Variants in TBC1D14 observed in about 807,000 individuals in gnomAD.
The protein encoded by TBC1D14 is TBC1 domain family member 14, also known as TBC1 domain family, member 14.
Under a neutral mutation model 79.0 loss-of-function variants are expected in TBC1D14, and 26 were observed. The observed-to-expected ratio is 0.33, with a 90% confidence interval of 0.24 to 0.46. TBC1D14 has a LOEUF of 0.46. Among genes scored for constraint, TBC1D14 ranks in the 20% least tolerant of loss-of-function variants. The probability of loss-of-function intolerance (pLI) is 1.00; values close to 1 mark genes in which losing one functional copy is unlikely to be tolerated. For missense variants in TBC1D14, 769 were observed against 887.6 expected (o/e 0.87, Z 1.70); for synonymous variants, 394 against 349.9 (o/e 1.13, Z -1.40).
At chr4:6,956,280 G>T (rs1254867190) in intron 2 of TBC1D14, among the ~76,000 whole-genome samples, 1 of 152,218 alleles carries the variant, frequency 6.6e-6, no homozygotes, top group African/African-American at 2.4e-5. Context: ...GAGTGTGGCG[G>T]AGTGGAGGGA....
chr4:6,992,989 G>A (rs1282312789), intron 3 of TBC1D14, among the ~76,000 whole-genome samples: 1 of 152,212 alleles, frequency 6.6e-6, no homozygotes, highest in African/African-American at 2.4e-5. Context: ...CTCATAGCCT[G>A]TGTATTTTGA....
intron 3 of TBC1D14, among the ~76,000 whole-genome samples, chr4:6,992,318 C>T (rs539101294): frequency 2.0e-5 from 3 of 149,466 alleles, no homozygotes; most frequent in South Asian, 2.1e-4. Flanking sequence ...TAAAACTGCA[C>T]ACCTGTGGGT....
chr4:6,979,126 A>G (rs1717123845), intron 3 of TBC1D14, among the ~76,000 whole-genome samples: 1 of 152,236 alleles, frequency 6.6e-6, no homozygotes, highest in South Asian at 2.1e-4. Flanking sequence ...GGCAAAAAAC[A>G]TAATAGAGAA....
At chr4:6,928,425 T>G (rs1352794108) in intron 2 of TBC1D14, among the ~76,000 whole-genome samples, 1 of 152,212 alleles carries the variant, frequency 6.6e-6, no homozygotes, top group African/African-American at 2.4e-5. Flanking sequence ...TGACCCAAGT[T>G]TGAACCTCAG....
intron 8 of TBC1D14, among the ~76,000 whole-genome samples, chr4:7,005,768 G>A (rs951150660): frequency 2.6e-5 from 4 of 152,022 alleles, no homozygotes; most frequent in African/African-American, 7.2e-5. Flanking sequence ...TGGAGGGCCC[G>A]TCATAACCAG....
intron 8 of TBC1D14, among the ~76,000 whole-genome samples, chr4:7,005,347 A>T (rs1204355933): frequency 6.6e-6 from 1 of 152,212 alleles, no homozygotes; most frequent in Non-Finnish European, 1.5e-5. Flanking sequence ...CAGCCTGGTC[A>T]ACATGGCGAG....
intron 2 of TBC1D14, among the ~76,000 whole-genome samples, chr4:6,957,456 G>A (rs550974640): frequency 2.0e-5 from 3 of 152,312 alleles, no homozygotes; most frequent in Middle Eastern, 3.4e-3. Context: ...ATGGTACGGC[G>A]TCTCCTTGCT....
rs1349091646 is a variant in TBC1D14, at chr4:7,030,612, A to G, written c.*220A>G. The G allele has an allele frequency of 8.5e-6, 4 of 471,202 alleles. No homozygotes were observed. Among genetic ancestry groups the G allele is most frequent in the Non-Finnish European group, 1.6e-5 (4 of 255,080 alleles). The allele number at this position is 471,202 out of a possible 1,614,324, so 29.2% of individuals were successfully genotyped here. A position where few individuals can be genotyped will look rare whatever the true frequency, so the allele number is the denominator to read the frequency against. ...TCAGTGGAAGGATGAGCTGCTGCGGACCACAGCCAGCCACTGCATCTGCTG... is the reference window on the plus strand; with the variant it reads ...TCAGTGGAAGGATGAGCTGCTGCGGGCCACAGCCAGCCACTGCATCTGCTG... On this transcript the variant is annotated 3_prime_UTR_variant, in exon 14 of 14. Coordinates refer to ENST00000409757, the MANE Select transcript of TBC1D14 (RefSeq NM_020773.3).
chr4:7,030,234 C>T, intron 13 of TBC1D14, 93 bp from the exon 14 acceptor site: 1 of 1,218,614 alleles, frequency 8.2e-7, no homozygotes, highest in East Asian at 2.4e-5. Context: ...GCCGGGGGAC[C>T]CTGTTAGGAG....
At chr4:6,914,193 T>C (rs1487154028) in intron 1 of TBC1D14, among the ~76,000 whole-genome samples, 1 of 151,398 alleles carries the variant, frequency 6.6e-6, no homozygotes. Flanking sequence ...TCAGTATAAG[T>C]TAAGTGTCCG....
At chr4:7,021,347 C>G (rs1202039378) in intron 12 of TBC1D14, among the ~76,000 whole-genome samples, 2 of 152,200 alleles carry the variant, frequency 1.3e-5, no homozygotes, top group African/African-American at 2.4e-5. Flanking sequence ...TCTATAGTCC[C>G]AGCACTTTGA....
intron 2 of TBC1D14, among the ~76,000 whole-genome samples, chr4:6,926,719 G>C (rs1349792105): frequency 1.3e-5 from 2 of 152,212 alleles, no homozygotes; most frequent in Non-Finnish European, 2.9e-5. Flanking sequence ...AGAATCTTTA[G>C]AGCTCACTAA....
chr4:6,987,093 C>T, intron 3 of TBC1D14: 3 of 726,096 alleles, frequency 4.1e-6, no homozygotes, highest in Non-Finnish European at 5.0e-6. Context: ...GCCCCTTGTG[C>T]CCGCCCCTCG....
intron 2 of TBC1D14, among the ~76,000 whole-genome samples, chr4:6,965,953 T>C (rs929727224): frequency 6.6e-6 from 1 of 152,244 alleles, no homozygotes; most frequent in African/African-American, 2.4e-5. Context: ...CCATTCCTCA[T>C]TGAGCTTTCC....
At chr4:6,961,979 C>T (rs191235910) in intron 2 of TBC1D14, among the ~76,000 whole-genome samples, 4 of 152,200 alleles carry the variant, frequency 2.6e-5, no homozygotes, top group East Asian at 3.8e-4. Context: ...GAAAGCGTCT[C>T]GCTCTGGCCT....
intron 2 of TBC1D14, among the ~76,000 whole-genome samples, chr4:6,931,965 A>G (rs1319227885): frequency 6.6e-6 from 1 of 151,926 alleles, no homozygotes; most frequent in Non-Finnish European, 1.5e-5. Context: ...GAAAGCCAGC[A>G]AGCAGAGGTG....
At chr4:7,004,327 G>C (rs1719970107) in intron 7 of TBC1D14, among the ~76,000 whole-genome samples, 1 of 152,226 alleles carries the variant, frequency 6.6e-6, no homozygotes, top group Non-Finnish European at 1.5e-5. Context: ...CCCCACCCCT[G>C]CTTCACTGCC....
intron 2 of TBC1D14, among the ~76,000 whole-genome samples, chr4:6,933,341 G>A (rs1441191527): frequency 1.5e-5 from 2 of 131,820 alleles, no homozygotes; most frequent in Non-Finnish European, 3.1e-5. Context: ...GTCTCGCTTT[G>A]TCGCCCAGGC....
At chr4:7,013,342 T>C (rs943139005) in intron 11 of TBC1D14, among the ~76,000 whole-genome samples, 2 of 152,190 alleles carry the variant, frequency 1.3e-5, no homozygotes, top group African/African-American at 4.8e-5. Context: ...TCACTCCCTT[T>C]TGGGAGCCAC....
Sources: gnomAD v4.1 joint callset for allele counts (sites outside exome capture counted in the v4.1 genomes callset) on GRCh38, gnomAD v4.1.1 for gene constraint, MANE v1.5 for transcripts, NCBI Gene and HGNC (gene_info 2026-07-23, HGNC 2026-07-21) for gene names.